The following EIF4E3 variants were observed in gnomAD, a reference collection of about 807,000 sequenced individuals.
EIF4E3 encodes the protein eukaryotic translation initiation factor 4E family member 3, also known as eukaryotic translation initiation factor 4E type 3.
Under a neutral mutation model 31.7 loss-of-function variants are expected in EIF4E3, and 26 were observed. That is an observed-to-expected ratio of 0.82 (90% CI 0.60 to 1.14). The LOEUF (loss-of-function observed/expected upper bound fraction) is 1.14. Ranked by LOEUF, EIF4E3 falls within the 50% of genes most tolerant of loss-of-function variation. The probability of loss-of-function intolerance (pLI) is 0.00; values close to 1 mark genes in which losing one functional copy is unlikely to be tolerated. For synonymous variants in EIF4E3, 128 were observed against 107.7 expected, an observed-to-expected ratio of 1.19 and a Z score of -1.17; for missense variants, 304 against 270.9, an observed-to-expected ratio of 1.12 and a Z score of -0.86.
intron 1 of EIF4E3, among the ~76,000 whole-genome samples, chr3:71,745,423 T>A (rs1306573332): frequency 6.6e-6 from 1 of 152,192 alleles, no homozygotes; most frequent in Non-Finnish European, 1.5e-5. Context: ...TAAAGATGTG[T>A]CTTATGGAAC....
Position 71,690,107 on chromosome 3 carries a change from G to C in EIF4E3, c.531C>G (p.Val177=). The change falls in exon 6 of 7, where the codon GTC becomes GTG. Residue 177 remains valine (V), a synonymous_variant. Transcript: ENST00000425534. ...SVRDREDVVQ[V]WNVNASLVGE... ...CCACTAAAGAGGCATTTACATTCCA[G>C]ACTTGGACGACGTCTTCTCGGTCCC... 1 of 1,613,476 alleles carries C rather than the reference G, an allele frequency of 6.2e-7. No homozygotes were observed. Among genetic ancestry groups the C allele is most frequent in the Non-Finnish European group, 8.5e-7 (1 of 1,179,866 alleles).
intron 1 of EIF4E3, among the ~76,000 whole-genome samples, chr3:71,735,163 A>G (rs1426789914): frequency 1.3e-5 from 2 of 152,212 alleles, no homozygotes; most frequent in Non-Finnish European, 2.9e-5. Context: ...ATCTCATCTA[A>G]ATGGGGAGAG....
chr3:71,728,491 T>C (rs1170164853), upstream of EIF4E3: 2 of 152,598 alleles, frequency 1.3e-5, no homozygotes, highest in African/African-American at 4.8e-5. Flanking sequence ...GCCACAGCTC[T>C]AGGAAATGAC....
intron 1 of EIF4E3, among the ~76,000 whole-genome samples, chr3:71,752,905 C>A (rs545534225): frequency 6.6e-6 from 1 of 152,296 alleles, no homozygotes; most frequent in East Asian, 1.9e-4. Context: ...ATAACAGGGG[C>A]TGCCCTTTCA....
intron 1 of EIF4E3, among the ~76,000 whole-genome samples, chr3:71,711,239 A>G (rs961293984): frequency 2.0e-5 from 3 of 152,222 alleles, no homozygotes; most frequent in Non-Finnish European, 4.4e-5. Context: ...AAGACTCTCA[A>G]TTCCTGCCAC....
At chr3:71,714,052 A>T (rs1444144381) in intron 1 of EIF4E3, among the ~76,000 whole-genome samples, 1 of 152,018 alleles carries the variant, frequency 6.6e-6, no homozygotes, top group East Asian at 1.9e-4. Context: ...CTCTACTAAA[A>T]ATACAAAAAA....
chr3:71,670,272 GGGA>G, the EIF4E3 span, among the ~76,000 whole-genome samples: 12 of 152,154 alleles, frequency 7.9e-5, no homozygotes, highest in Admixed American at 7.2e-4. Flanking sequence ...CCTACACATG[GGGA>G]GGAGACAGCT....
intron 5 of EIF4E3, among the ~76,000 whole-genome samples, chr3:71,692,472 G>T (rs1490019731): frequency 2.6e-5 from 4 of 151,870 alleles, no homozygotes; most frequent in Non-Finnish European, 5.9e-5. Context: ...CCTCTCCCAG[G>T]GATTTATGTG....
rs192207779 is a variant in EIF4E3 at position 71,684,597 on chromosome 3, G to T, written c.*85C>A. On this transcript the variant is annotated 3_prime_UTR_variant, in exon 7 of 7. Coordinates refer to ENST00000425534, the MANE Select transcript of EIF4E3 (RefSeq NM_001134651.2). ...TCTAAATTGACCAGCATCGGCTTCG[G>T]CAAGTCTTCTCTTCACTCTCCCTCC... 6.5e-6 allele frequency: 10 copies of T among 1,549,076 alleles called. No homozygotes were observed. The East Asian group carries it at 2.0e-4, about 31-fold the overall frequency.
intron 1 of EIF4E3, among the ~76,000 whole-genome samples, chr3:71,744,269 T>G (rs529062551): frequency 2.6e-5 from 4 of 152,210 alleles, no homozygotes; most frequent in African/African-American, 9.6e-5. Context: ...AATAAATGAT[T>G]TATTGAAAAA....
At position 71,679,100 on chromosome 3, in the gene EIF4E3, T is replaced by C. The variant is rs1173888205; in HGVS notation, c.*5582A>G. The C allele has an allele frequency of 6.6e-6, 1 of 152,206 alleles. No homozygotes were observed. Among genetic ancestry groups the C allele is most frequent in the East Asian group, 1.9e-4 (1 of 5,202 alleles). 9.4% of individuals were successfully genotyped at this position (152,206 alleles called of 1,614,324 possible). A position where few individuals can be genotyped will look rare whatever the true frequency, so the allele number is the denominator to read the frequency against. Reference sequence around the variant, plus strand: ...TATCCACAGCATCAATACCTCTATTTGAAAACAGAAACACTGTAAGTTTAT... The same window carrying C: ...TATCCACAGCATCAATACCTCTATTCGAAAACAGAAACACTGTAAGTTTAT... On this transcript the variant is annotated 3_prime_UTR_variant, in exon 7 of 7. Coordinates refer to ENST00000425534, the MANE Select transcript of EIF4E3 (RefSeq NM_001134651.2).
rs114754649 is a variant in EIF4E3, at chr3:71,706,241, G to C, written c.249+4171C>G. On this transcript the variant is annotated intron_variant, in intron 2 of 6. Transcript: ENST00000425534. ...AGAATTGGACTGGGAGGGAATTCTA[G>C]TCCTAGAGGCAAGGCATGACTGGCT... Among the ~76,000 whole-genome samples the C allele has an allele frequency of 8.6e-3, 1,306 of 152,216 alleles. 15 individuals are homozygous for C. Among genetic ancestry groups the C allele is most frequent in the African/African-American group, 0.03 (1,245 of 41,528 alleles).
the EIF4E3 span, among the ~76,000 whole-genome samples, chr3:71,665,016 T>G: frequency 6.6e-6 from 1 of 152,232 alleles, no homozygotes. Context: ...TTAAATTACA[T>G]CAGACATAAT....
chr3:71,692,595 C>CT (rs1231572453), intron 5 of EIF4E3, among the ~76,000 whole-genome samples: 37 of 136,468 alleles, frequency 2.7e-4, no homozygotes, highest in African/African-American at 1.0e-3. Flanking sequence ...TAACCCAGGT[C>CT]TTCTTTTTTT....
At chr3:71,698,949 G>A (rs893582257) in intron 3 of EIF4E3, among the ~76,000 whole-genome samples, 2 of 152,192 alleles carry the variant, frequency 1.3e-5, no homozygotes, top group Non-Finnish European at 2.9e-5. Flanking sequence ...GGCTGGGCCT[G>A]GTGGCTCATG....
chr3:71,708,405 C>T (rs1007215088), intron 2 of EIF4E3, among the ~76,000 whole-genome samples: 5 of 152,050 alleles, frequency 3.3e-5, no homozygotes, highest in African/African-American at 1.2e-4. Context: ...TATGTGCGTA[C>T]CCTTGTCAAA....
At chr3:71,717,347 C>G (rs2049481032) in intron 1 of EIF4E3, among the ~76,000 whole-genome samples, 1 of 152,202 alleles carries the variant, frequency 6.6e-6, no homozygotes, top group African/African-American at 2.4e-5. Flanking sequence ...ACTACAGCAT[C>G]ACAAGACAAA....
At chr3:71,669,956 A>G in the EIF4E3 span, among the ~76,000 whole-genome samples, 2 of 152,210 alleles carry the variant, frequency 1.3e-5, no homozygotes, top group African/African-American at 2.4e-5. Flanking sequence ...AGAGGCATAA[A>G]CCGTCCTTGA....
intron 1 of EIF4E3, among the ~76,000 whole-genome samples, chr3:71,722,064 T>TTG (rs2049558443): frequency 7.0e-6 from 1 of 142,376 alleles, no homozygotes; most frequent in Non-Finnish European, 1.5e-5. Context: ...CAAAGCTTTA[T>TTG]GGTTCCTGTA....
Sources: allele counts gnomAD v4.1 joint callset (sites outside exome capture counted in the v4.1 genomes callset), GRCh38; gene constraint gnomAD v4.1.1; transcripts MANE v1.5; gene names NCBI Gene and HGNC (gene_info 2026-07-23, HGNC 2026-07-21).